MLLT6: variants seen among roughly 807,000 people sequenced by gnomAD.
The protein encoded by MLLT6 is MLLT6, PHD finger containing.
In MLLT6, 22 loss-of-function variants were observed where a neutral mutation model predicts 103.0. That is an observed-to-expected ratio of 0.21 (90% CI 0.15 to 0.31). The LOEUF is 0.31. MLLT6 is among the 10% of genes least tolerant of loss of function. MLLT6 has a pLI of 1.00. For synonymous variants in MLLT6, 606 were observed against 623.5 expected (o/e 0.97, Z 0.42); for missense variants, 1,199 against 1,441.7 (o/e 0.83, Z 2.73).
Position 38,707,578 on chromosome 17 carries a change from CT to C in MLLT6, c.244+39del, listed in dbSNP as rs766337201. ...CATCTGCTGAGGTCAGCAGGGCCCC[CT>C]GAGCAGGGTCTGGGAAGGCAGGAAT... On this transcript the variant is annotated intron_variant, in intron 3 of 19. Coordinates refer to ENST00000621332, the MANE Select transcript of MLLT6 (RefSeq NM_005937.4). 18 of 1,604,580 alleles carry C rather than the reference CT, an allele frequency of 1.1e-5. No individual in the cohort carries two copies. In the African/African-American group the frequency reaches 2.4e-4, roughly 21 times the overall value.
chr17:38,722,648 T>TCCCCCCCCCCCCCCCCCC (rs753125117), intron 17 of MLLT6, 30 bp from the exon 18 acceptor site: 1 of 441,542 alleles, frequency 2.3e-6, no homozygotes, highest in Non-Finnish European at 4.1e-6. Context: ...CTGTGTGTTG[T>TCCCCCCCCCCCCCCCCCC]CCCCCCCCCA....
At position 38,724,588 on chromosome 17, in the gene MLLT6, G is replaced by C; in HGVS notation, c.2884-32G>C. 6.5e-7 allele frequency: 1 copy of C among 1,528,642 alleles called. No individual in the cohort carries two copies. 94.7% of individuals were successfully genotyped at this position (1,528,642 alleles called of 1,614,324 possible). On this transcript the variant is annotated intron_variant, in intron 18 of 19. Transcript: ENST00000621332. This position sits in a 1 kb window ranked among gnomAD's most constrained non-coding sequence, Gnocchi z 5.4. ...CAGCAGGGAAGAGACCCCCGGGACTGTTGGCCAACAAGCGGTCTGGCCCCC... is the reference window on the plus strand; with the variant it reads ...CAGCAGGGAAGAGACCCCCGGGACTCTTGGCCAACAAGCGGTCTGGCCCCC...
chr17:38,707,911 C>T (rs1597989261), intron 4 of MLLT6, 39 bp downstream of exon 4: 1 of 1,257,264 alleles, frequency 8.0e-7, no homozygotes. Context: ...CAGTTCCCTC[C>T]CATCTATGGG....
At chr17:38,725,166 C>T (rs924641350) in intron 19 of MLLT6, 190 bp downstream of exon 19, 6 of 560,854 alleles carry the variant, frequency 1.1e-5, no homozygotes, top group East Asian at 6.1e-5. Context: ...AAGAAAGATC[C>T]GATCTGAGCA....
At position 38,711,854 on chromosome 17, in the gene MLLT6, CCCG is replaced by C; in HGVS notation, c.561_563del (p.Arg188del). 1 of 1,566,086 alleles carries C rather than the reference CCCG, an allele frequency of 6.4e-7. No individual in the cohort carries two copies. On this transcript the variant is annotated inframe_deletion, in exon 7 of 20. Coordinates refer to ENST00000621332, the MANE Select transcript of MLLT6 (RefSeq NM_005937.4). ...CTCAAATCTCTCCCGCAGAAGACATCCCGGCACAGCAGCGGGGGAGGCGGAGGA... is the reference window on the plus strand; with the variant it reads ...CTCAAATCTCTCCCGCAGAAGACATCGCACAGCAGCGGGGGAGGCGGAGGA...
At chr17:38,706,798 C>T (rs1413525213) in intron 1 of MLLT6, 152 bp from the exon 2 acceptor site, 8 of 535,786 alleles carry the variant, frequency 1.5e-5, no homozygotes, top group Non-Finnish European at 2.3e-5. Flanking sequence ...GTTGGGCAGT[C>T]CTGCTGTAGA....
intron 14 of MLLT6, 52 bp from the exon 15 acceptor site, chr17:38,720,320 G>GCCCCCCCCCCCCCCCCCC: frequency 1.4e-6 from 1 of 735,422 alleles, no homozygotes; most frequent in Non-Finnish European, 2.2e-6. Context: ...CGGTCCCCTG[G>GCCCCCCCCCCCCCCCCCC]CCCCGCCTCC....
Position 38,720,660 on chromosome 17 carries a change from C to T in MLLT6, c.2355C>T (p.Ala785=), listed in dbSNP as rs780191695. The change falls in exon 16 of 20, where the codon GCC becomes GCT. Residue 785 remains alanine, a splice_region_variant and synonymous_variant. Transcript: ENST00000621332. ...VPGPYGLPPQ[A]GSSDSLSTSK... ...CAGCCTGTGACATCCCTCCCACAGC[C>T]GGCAGCAGCGACTCCTTGAGCACCA... 7.4e-6 allele frequency: 12 copies of T among 1,613,620 alleles called. No individual in the cohort carries two copies. Among genetic ancestry groups the T allele is most frequent in the Middle Eastern group, 1.6e-4 (1 of 6,084 alleles).
chr17:38,707,406 A>G (rs2143663067), intron 2 of MLLT6, 80 bp from the exon 3 acceptor site: 1 of 1,406,784 alleles, frequency 7.1e-7, no homozygotes, highest in South Asian at 1.2e-5. Flanking sequence ...TTAGCATTTC[A>G]GCCTGGGACC....
chr17:38,722,648 T>TTCCCCCCCCC, intron 17 of MLLT6, 30 bp from the exon 18 acceptor site: 1 of 441,538 alleles, frequency 2.3e-6, no homozygotes, highest in Non-Finnish European at 4.1e-6. Context: ...CTGTGTGTTG[T>TTCCCCCCCCC]CCCCCCCCCA....
chr17:38,716,817 C>T lies in MLLT6; in HGVS notation c.1487C>T (p.Pro496Leu). 1 of 1,612,280 alleles carries T rather than the reference C, an allele frequency of 6.2e-7. No homozygotes were observed. The highest frequency in any genetic ancestry group is 8.5e-7 in the Non-Finnish European group (1 of 1,179,170). The change falls in exon 10 of 20, where the codon CCA becomes CTA. Residue 496 changes from proline (P) to leucine (L), a missense_variant. Physicochemically the swap from Pro to Leu is moderately conservative, Grantham distance 98 (BLOSUM62 -3). Transcript: ENST00000621332. The surrounding 1 kb of genome is among the most constrained non-coding windows in gnomAD (Gnocchi z 5.6). ...GAGGGCACTGGGGGCCCAGCTGCCC[C>T]ATCCTTGCCCAGTGCCCAGCTGGCT... ...NKEGTGGPAAPSLPSAQLAGF... is the reference protein window; with the variant it reads ...NKEGTGGPAALSLPSAQLAGF...
In MLLT6 at chr17:38,720,518, C is replaced by T. The variant is rs1229747537; in HGVS notation, c.2302C>T (p.Leu768=). 1.9e-6 allele frequency: 3 copies of T among 1,611,646 alleles called. No individual in the cohort carries two copies. The highest frequency in any genetic ancestry group is 2.2e-5 in the East Asian group (1 of 44,846). Residue 768 remains leucine, a synonymous_variant, in exon 15 of 20, where the codon CTG becomes TTG. Transcript: ENST00000621332. ...SVPFPALPAA[L]PAANGPVPGP... ...GCCCTTCCCTGCCCTGCCTGCTGCC[C>T]TGCCTGCCGCCAACGGCCCTGTCCC... is the stretch of plus-strand genomic sequence containing the variant.
At chr17:38,713,186 A>C (rs761330200) in intron 8 of MLLT6, 12 of 614,902 alleles carry the variant, frequency 2.0e-5, no homozygotes, top group Non-Finnish European at 3.2e-5. Context: ...TTGTCACCCA[A>C]CCCAAATCCC....
intron 8 of MLLT6, chr17:38,713,560 T>A (rs778357076): frequency 5.8e-5 from 9 of 154,132 alleles, no homozygotes; most frequent in Non-Finnish European, 1.0e-4. Context: ...TAGCAGGAGG[T>A]TCAGGTATCA....
In MLLT6 at chr17:38,726,004, C is replaced by T. The variant is rs546693257; in HGVS notation, c.*406C>T. On this transcript the variant is annotated 3_prime_UTR_variant, in exon 20 of 20. Coordinates refer to ENST00000621332, the MANE Select transcript of MLLT6 (RefSeq NM_005937.4). ...GGAGGGAGAGGCCCTGGGCCTGTCC[C>T]TGCGGGGAAATCTTTTATGGAAGAA... 1.5e-5 allele frequency: 4 copies of T among 262,524 alleles called. No homozygotes were observed. The East Asian group carries it at 2.3e-4, about 15-fold the overall frequency. 16.3% of individuals were successfully genotyped at this position (262,524 alleles called of 1,614,324 possible). A position where few individuals can be genotyped will look rare whatever the true frequency, so the allele number is the denominator to read the frequency against.
chr17:38,720,628 C>G, intron 15 of MLLT6, 31 bp from the exon 16 acceptor site: 3 of 1,613,376 alleles, frequency 1.9e-6, no homozygotes, highest in South Asian at 1.1e-5. Context: ...CGGACTGGCC[C>G]TGACTGCAGC....
In MLLT6 at chr17:38,728,160, G is replaced by A. The variant is rs1002050915; in HGVS notation, c.*2562G>A. ...CGGGGCCCAGGCTGGGTATGAACGGGTGCAGCCCTCTTCTCCTCTTCCCCC... is the reference window on the plus strand; with the variant it reads ...CGGGGCCCAGGCTGGGTATGAACGGATGCAGCCCTCTTCTCCTCTTCCCCC... On this transcript the variant is annotated 3_prime_UTR_variant, in exon 20 of 20. Transcript: ENST00000621332. 4.3e-6 allele frequency: 1 copy of A among 233,362 alleles called. No homozygotes were observed. The highest frequency in any genetic ancestry group is 2.2e-5 in the African/African-American group (1 of 45,472). 14.5% of individuals were successfully genotyped at this position (233,362 alleles called of 1,614,324 possible).
intron 2 of MLLT6, 42 bp from the exon 3 acceptor site, chr17:38,707,444 C>A (rs1304930024): frequency 6.2e-7 from 1 of 1,607,824 alleles, no homozygotes; most frequent in Non-Finnish European, 8.5e-7. Context: ...GAGGGTCCAG[C>A]TCAGCAGATC....
intron 16 of MLLT6, chr17:38,721,061 C>G (rs1032590190): frequency 1.3e-5 from 6 of 464,318 alleles, no homozygotes; most frequent in Non-Finnish European, 2.3e-5. Context: ...AGAGAGAGAA[C>G]GGGGGAGGGC....
Sources: gnomAD v4.1 joint callset for allele counts on GRCh38, gnomAD v4.1.1 for gene constraint, Gnocchi (gnomAD v3.1) non-coding constraint, MANE v1.5 for transcripts, NCBI Gene and HGNC (gene_info 2026-07-23, HGNC 2026-07-21) for gene names.